PIK3R1: variants seen among roughly 807,000 people sequenced by gnomAD.
PIK3R1 encodes the protein phosphatidylinositol 3-kinase regulatory subunit alpha.
A neutral mutation model predicts 98.0 loss-of-function variants in PIK3R1; 29 were observed. The ratio of observed to expected loss-of-function variants is 0.30; its 90% confidence interval spans 0.22 to 0.40. The LOEUF (loss-of-function observed/expected upper bound fraction) is 0.40. Among genes scored for constraint, PIK3R1 ranks in the 10% least tolerant of loss-of-function variants. The pLI, the probability that PIK3R1 is intolerant of heterozygous loss-of-function variation, is 1.00. For missense variants in PIK3R1, 596 were observed against 872.7 expected (o/e 0.68, Z 3.99); for synonymous variants, 282 against 311.8 (o/e 0.90, Z 1.01).
chr5:68,279,322 G>C (rs1746718583), intron 4 of PIK3R1, among the ~76,000 whole-genome samples: 1 of 152,100 alleles, frequency 6.6e-6, no homozygotes, highest in South Asian at 2.1e-4. Context: ...CCAAAGTGTG[G>C]AGGTCTGCTA....
rs2112196013 is a variant in PIK3R1, at chr5:68,280,707, C to T, written c.814C>T (p.Leu272Phe). Residue 272 changes from leucine to phenylalanine, a missense_variant, in exon 6 of 16, where the codon CTT (leucine) becomes TTT (phenylalanine). Transcript: ENST00000521381. ...ACTCTCTGAAATTTTCAGCCCTATG[C>T]TTTTCAGATTCTCAGCAGCCAGGTA... ...RVLSEIFSPM[L>F]FRFSAASSDN... The T allele has an allele frequency of 1.9e-6, 3 of 1,614,050 alleles. No individual in the cohort carries two copies. Among genetic ancestry groups the T allele is most frequent in the Middle Eastern group, 1.7e-4 (1 of 6,060 alleles).
At chr5:68,295,038 C>T (rs567979690) in intron 12 of PIK3R1, 110 bp from the exon 13 acceptor site, 53 of 710,968 alleles carry the variant, frequency 7.5e-5, no homozygotes, top group East Asian at 1.2e-4. Flanking sequence ...AGAGAAGCCA[C>T]GCTTTACCTA....
chr5:68,242,052 TTGAAA>T (rs1206979670), intron 2 of PIK3R1, among the ~76,000 whole-genome samples: 1 of 152,234 alleles, frequency 6.6e-6, no homozygotes. Context: ...CAAAGTTTAC[TTGAAA>T]TAAAAAGGGA....
intron 2 of PIK3R1, among the ~76,000 whole-genome samples, chr5:68,259,680 T>C (rs1379825524): frequency 6.6e-6 from 1 of 152,228 alleles, no homozygotes; most frequent in Admixed American, 6.5e-5. Context: ...CTCTCTACTT[T>C]CCAGGTCTTT....
At chr5:68,230,776 C>T (rs966566948) in intron 2 of PIK3R1, among the ~76,000 whole-genome samples, 2 of 152,184 alleles carry the variant, frequency 1.3e-5, no homozygotes, top group African/African-American at 4.8e-5. Context: ...CTTCCCTTTG[C>T]ATGGGGGCTA....
intron 7 of PIK3R1, chr5:68,288,893 C>A: frequency 1.2e-6 from 1 of 832,960 alleles, no homozygotes; most frequent in South Asian, 1.4e-5. Flanking sequence ...GGGAGACACT[C>A]CCCCTGTCCT....
rs531318827 is a variant in PIK3R1 at position 68,301,342 on chromosome 5, C to CTATATATATATATATATATATA, written c.*3745_*3766dup. 6 of 53,258 alleles carry CTATATATATATATATATATATA rather than the reference C, an allele frequency of 1.1e-4. No individual in the cohort carries two copies. The highest frequency in any genetic ancestry group is 0.011 in the Middle Eastern group (1 of 94). The allele number at this position is 53,258 out of a possible 1,614,324, so 3.3% of individuals were successfully genotyped here. On this transcript the variant is annotated 3_prime_UTR_variant, in exon 16 of 16. Transcript: ENST00000521381. Reference sequence around the variant, plus strand: ...ATAGCATTAGCTGCCCAGGATGCTGCTATATATATATATATATATATATAT... The same window carrying CTATATATATATATATATATATA: ...ATAGCATTAGCTGCCCAGGATGCTGCTATATATATATATATATATATATATATATATATATATATATATATAT...
chr5:68,243,762 G>A (rs1298271907), intron 2 of PIK3R1, among the ~76,000 whole-genome samples: 1 of 152,186 alleles, frequency 6.6e-6, no homozygotes, highest in Non-Finnish European at 1.5e-5. Flanking sequence ...GCAGAAACAA[G>A]TTACCTTTGG....
At chr5:68,282,386 G>C (rs2112202143) in intron 7 of PIK3R1, among the ~76,000 whole-genome samples, 1 of 152,280 alleles carries the variant, frequency 6.6e-6, no homozygotes, top group Non-Finnish European at 1.5e-5. Flanking sequence ...AGACTAGGTA[G>C]AGCTGGACCC....
chr5:68,243,329 T>C (rs1744940820), intron 2 of PIK3R1, among the ~76,000 whole-genome samples: 1 of 152,218 alleles, frequency 6.6e-6, no homozygotes, highest in Non-Finnish European at 1.5e-5. Context: ...ATTAGACACA[T>C]AAAACTTTGA....
intron 2 of PIK3R1, among the ~76,000 whole-genome samples, chr5:68,237,439 AG>A (rs1404400208): frequency 6.6e-6 from 1 of 152,128 alleles, no homozygotes; most frequent in Non-Finnish European, 1.5e-5. Flanking sequence ...GGGGTGATTG[AG>A]GGGGTAAGGG....
At chr5:68,227,062 G>A in intron 2 of PIK3R1, 53 bp downstream of exon 2, 1 of 1,491,956 alleles carries the variant, frequency 6.7e-7, no homozygotes, top group Non-Finnish European at 9.0e-7. Flanking sequence ...TCTTTTTAAG[G>A]AAAAGTCTTA....
intron 7 of PIK3R1, among the ~76,000 whole-genome samples, chr5:68,283,558 G>C (rs985266438): frequency 2.0e-5 from 3 of 152,216 alleles, no homozygotes; most frequent in African/African-American, 7.2e-5. Flanking sequence ...TTGATGCATG[G>C]AGTTTAAAGA....
rs1184625617 is a variant in PIK3R1, at chr5:68,215,923, C to G, written c.-413C>G. 2.0e-5 allele frequency: 3 copies of G among 153,212 alleles called. No homozygotes were observed. In the Admixed American group the frequency reaches 2.0e-4, roughly 10 times the overall value. The allele number at this position is 153,212 out of a possible 1,614,324, so 9.5% of individuals were successfully genotyped here. A position where few individuals can be genotyped will look rare whatever the true frequency, so the allele number is the denominator to read the frequency against. On this transcript the variant is annotated 5_prime_UTR_variant, in exon 1 of 16. Coordinates refer to ENST00000521381, the MANE Select transcript of PIK3R1 (RefSeq NM_181523.3). ...GAGGCCACCGCTGCAGCGCGGGCCC[C>G]GCAGAGGAAGGAAGCCGGCGGGCGG... is the stretch of plus-strand genomic sequence containing the variant.
rs553089819 is a variant in PIK3R1, at chr5:68,230,901, T to C, written c.334+3892T>C. Among the ~76,000 whole-genome samples the C allele has an allele frequency of 2.4e-3, 373 of 152,302 alleles. 21 individuals are homozygous for C. In the South Asian group the frequency reaches 0.073, roughly 30 times the overall value. ...TGTTTTGTTTGGATAAAGAGTGTGC[T>C]GGGTGTGCAAGGTGGGTGTTACATG... On this transcript the variant is annotated intron_variant, in intron 2 of 15. Transcript: ENST00000521381.
chr5:68,295,457 A>C lies in PIK3R1; in HGVS notation c.1783A>C (p.Asn595His). Residue 595 changes from asparagine (N) to histidine (H), a missense_variant, in exon 14 of 16, where the codon AAC (asparagine) becomes CAC (histidine). By Grantham distance (68) the Asn-to-His change is moderately conservative. This residue lies in a region of PIK3R1 where 207 missense variants were observed against 361.4 expected (regional missense o/e 0.57). Transcript: ENST00000521381. ...TQKGVRQKKL[N>H]EWLGNENTED... The stretch of plus-strand genomic sequence containing the variant: ...AAAAGGTGTTCGGCAAAAGAAGTTG[A>C]ACGAGTGGTTGGGCAATGAAAACAC... 6.2e-7 allele frequency: 1 copy of C among 1,614,204 alleles called. No homozygotes were observed. The highest frequency in any genetic ancestry group is 8.5e-7 in the Non-Finnish European group (1 of 1,180,030).
chr5:68,261,817 A>C (rs1291914307), intron 2 of PIK3R1, among the ~76,000 whole-genome samples: 2 of 152,204 alleles, frequency 1.3e-5, no homozygotes, highest in Non-Finnish European at 2.9e-5. Flanking sequence ...ACAGCTTATA[A>C]TTCATAAAGT....
At chr5:68,239,335 G>A (rs1744786853) in intron 2 of PIK3R1, among the ~76,000 whole-genome samples, 1 of 151,658 alleles carries the variant, frequency 6.6e-6, no homozygotes, top group African/African-American at 2.4e-5. Context: ...AATAATACAG[G>A]GAAAATGTTT....
chr5:68,261,064 C>T (rs1173979837), intron 2 of PIK3R1, among the ~76,000 whole-genome samples: 1 of 152,124 alleles, frequency 6.6e-6, no homozygotes. Context: ...TCCTTCCCTC[C>T]ATATTTGAAG....
Sources: allele counts gnomAD v4.1 joint callset (sites outside exome capture counted in the v4.1 genomes callset), GRCh38; gene constraint gnomAD v4.1.1; regional missense constraint gnomAD v4.1.1; transcripts MANE v1.5; gene names NCBI Gene and HGNC (gene_info 2026-07-23, HGNC 2026-07-21).